Variants in SEC23A observed in about 807,000 individuals in gnomAD.
SEC23A encodes SEC23 homolog A, COPII component.
SEC23A carries 56 observed loss-of-function variants against 103.7 expected under a neutral mutation model. The observed-to-expected ratio is 0.54, with a 90% CI of 0.44 to 0.67. The LOEUF (loss-of-function observed/expected upper bound fraction) is 0.67. Among genes scored for constraint, SEC23A ranks in the 30% least tolerant of loss-of-function variants. The pLI, the probability that SEC23A is intolerant of heterozygous loss-of-function variation, is 0.00. For synonymous variants in SEC23A, 281 were observed against 293.0 expected (o/e 0.96, Z 0.42); for missense variants, 784 against 936.4 (o/e 0.84, Z 2.12).
intron 16 of SEC23A, 57 bp downstream of exon 16, chr14:39,045,106 T>C (rs1019918158): frequency 1.3e-6 from 2 of 1,510,998 alleles, no homozygotes; most frequent in Non-Finnish European, 1.8e-6. Flanking sequence ...ATTTTCACTT[T>C]TTTAATGCCA....
At chr14:39,042,616 C>T (rs961706449) in intron 17 of SEC23A, among the ~76,000 whole-genome samples, 170 bp downstream of exon 17, 2 of 152,104 alleles carry the variant, frequency 1.3e-5, no homozygotes, top group Non-Finnish European at 2.9e-5. Context: ...GGGTCAACTG[C>T]AATTGAAGCC....
chr14:39,070,361 AAC>A (rs1419627726), intron 9 of SEC23A, among the ~76,000 whole-genome samples: 1 of 152,230 alleles, frequency 6.6e-6, no homozygotes, highest in African/African-American at 2.4e-5. Flanking sequence ...AAGAGGAAAG[AAC>A]ACATCCCAGG....
chr14:39,094,894 G>A, intron 2 of SEC23A: 1 of 649,706 alleles, frequency 1.5e-6, no homozygotes, highest in Non-Finnish European at 2.7e-6. Context: ...GATCATACAA[G>A]GCTTTATAGA....
rs1886493094 is a variant in SEC23A at position 39,061,870 on chromosome 14, T to C, written c.1400A>G (p.His467Arg). The C allele has an allele frequency of 1.9e-6, 3 of 1,608,452 alleles. No homozygotes were observed. The African/African-American group carries it at 4.0e-5, about 21-fold the overall frequency. Residue 467 changes from histidine to arginine, a missense_variant and splice_region_variant, in exon 13 of 20, where the codon CAT (histidine) becomes CGT (arginine). Physicochemically the swap from His to Arg is conservative, Grantham distance 29. Coordinates refer to ENST00000307712, the MANE Select transcript of SEC23A (RefSeq NM_006364.4). ...LAIYFEVVNQ[H>R]NAPIPQGGRG... ...CCCTCCTTGAGGAATTGGAGCATTA[T>C]GCTGTATAAATATAATGGAGTAAAA...
At chr14:39,047,267 G>A (rs1399504826) in intron 15 of SEC23A, 2 of 449,990 alleles carry the variant, frequency 4.4e-6, no homozygotes, top group African/African-American at 2.1e-5. Flanking sequence ...GGAGAGAAGA[G>A]AAAGTGTGCA....
rs535998458 is a variant in SEC23A at position 39,050,165 on chromosome 14, C to T, written c.1660-1436G>A. On this transcript the variant is annotated intron_variant, in intron 14 of 19. Transcript: ENST00000307712. The stretch of plus-strand genomic sequence containing the variant: ...TACAACCCAACCAAAACACTAATAC[C>T]GGTGGAAAACAGACTGAAGCATAAA... 7.2e-5 allele frequency among the ~76,000 whole-genome samples: 11 copies of T among 152,162 alleles called. No individual in the cohort carries two copies. In the East Asian group the frequency reaches 1.9e-3, roughly 27 times the overall value.
chr14:39,094,432 ATATATATATATTTTTTT>A lies in SEC23A; in HGVS notation c.222-1205_222-1189del, dbSNP rs1170331035. Among the ~76,000 whole-genome samples, 366 of 36,840 alleles carry A rather than the reference ATATATATATATTTTTTT, an allele frequency of 9.9e-3. 87 individuals are homozygous for A. The highest frequency in any genetic ancestry group is 0.079 in the African/African-American group (336 of 4,262). The allele number at this position is 36,840 out of a possible 152,430, so 24.2% of individuals were successfully genotyped here. On this transcript the variant is annotated intron_variant, in intron 2 of 19. Transcript: ENST00000307712. ...TATATATATATATATATATATATAT[ATATATATATATTTTTTT>A]TTTTTTTTTTTCCCCTCCTGTAGAA... is the stretch of plus-strand genomic sequence containing the variant.
Position 39,064,982 on chromosome 14 carries a change from T to C in SEC23A, c.1239A>G (p.Glu413=). 6.2e-7 allele frequency: 1 copy of C among 1,611,692 alleles called. No individual in the cohort carries two copies. Among genetic ancestry groups the C allele is most frequent in the Non-Finnish European group, 8.5e-7 (1 of 1,177,798 alleles). ...GGTLEIKTSR[E]IKISGAIGPC... ...GTCCAATAGCTCCTGAAATCTTTATTTCCCTTGAGGTCTGCAAAATAAGAA... is the reference window on the plus strand; with the variant it reads ...GTCCAATAGCTCCTGAAATCTTTATCTCCCTTGAGGTCTGCAAAATAAGAA... Residue 413 remains glutamate, a synonymous_variant, in exon 11 of 20, where the codon GAA becomes GAG. Transcript: ENST00000307712.
chr14:39,042,795 A>T lies in SEC23A; in HGVS notation c.1977T>A (p.Tyr659Ter), dbSNP rs1475062216. 1 of 1,604,572 alleles carries T rather than the reference A, an allele frequency of 6.2e-7. No homozygotes were observed. Among genetic ancestry groups the T allele is most frequent in the Admixed American group, 1.7e-5 (1 of 59,994 alleles). Residue 659 changes from tyrosine (Y) to a stop codon, truncating the protein, a stop_gained, in exon 17 of 20, where the codon TAT becomes TAA. Coordinates refer to ENST00000307712, the MANE Select transcript of SEC23A (RefSeq NM_006364.4). LOFTEE classifies it high-confidence loss of function. The stretch of plus-strand genomic sequence containing the variant: ...GCTATTGAAATCTTACCTCACCATG[A>T]TAAATCAAAATCTGGAAGAATGTGT... ...LMDTFFQILI[Y>*]HGETIAQWRK... is the part of the protein sequence containing the mutation.
chr14:39,038,720 G>A (rs1885538135), intron 19 of SEC23A, among the ~76,000 whole-genome samples: 1 of 152,100 alleles, frequency 6.6e-6, no homozygotes, highest in African/African-American at 2.4e-5. Flanking sequence ...ATGATCCCTG[G>A]CCTCTCTTGG....
Position 39,045,456 on chromosome 14 carries a change from T to A in SEC23A, c.1738-132A>T. 1.0e-5 allele frequency: 6 copies of A among 588,058 alleles called. No individual in the cohort carries two copies. The South Asian group carries it at 1.8e-4, about 18-fold the overall frequency. 36.4% of individuals were successfully genotyped at this position (588,058 alleles called of 1,614,324 possible). The stretch of plus-strand genomic sequence containing the variant: ...ATGTTATTATAAGAATGTTCTAATT[T>A]ATATCCCTCAGGAAAGGAATCCTAT... On this transcript the variant is annotated intron_variant, in intron 15 of 19. Transcript: ENST00000307712.
At chr14:39,056,199 T>C (rs1182543810) in intron 13 of SEC23A, among the ~76,000 whole-genome samples, 3 of 152,040 alleles carry the variant, frequency 2.0e-5, no homozygotes, top group Non-Finnish European at 4.4e-5. Flanking sequence ...AGCCAAGCCC[T>C]GTCTTTGTTC....
chr14:39,072,592 C>T (rs1321123316), intron 9 of SEC23A, among the ~76,000 whole-genome samples: 1 of 151,852 alleles, frequency 6.6e-6, no homozygotes, highest in Non-Finnish European at 1.5e-5. Context: ...GCAGGAGGAT[C>T]GAGCCCAGGA....
At chr14:39,051,866 G>A (rs533461405) in intron 14 of SEC23A, among the ~76,000 whole-genome samples, 4 of 152,064 alleles carry the variant, frequency 2.6e-5, no homozygotes, top group Admixed American at 6.6e-5. Context: ...TACTTGGGAG[G>A]CTGAGACAGG....
At chr14:39,081,659 A>C (rs1363018807) in intron 7 of SEC23A, among the ~76,000 whole-genome samples, 2 of 152,230 alleles carry the variant, frequency 1.3e-5, no homozygotes, top group Non-Finnish European at 2.9e-5. Flanking sequence ...CAGGTTTCTC[A>C]TAGAGAATGA....
intron 9 of SEC23A, among the ~76,000 whole-genome samples, chr14:39,070,063 G>A (rs1310433622): frequency 6.6e-6 from 1 of 152,144 alleles, no homozygotes; most frequent in Non-Finnish European, 1.5e-5. Flanking sequence ...TTAAATTTTA[G>A]TTCCTCAGTC....
intron 7 of SEC23A, among the ~76,000 whole-genome samples, chr14:39,080,956 C>CA (rs1016627912): frequency 7.9e-5 from 12 of 152,048 alleles, no homozygotes; most frequent in Admixed American, 3.3e-4. Flanking sequence ...TCAGCCTTCT[C>CA]AAAAAACATC....
chr14:39,041,113 TAA>T (rs960030520), intron 17 of SEC23A: 1 of 433,212 alleles, frequency 2.3e-6, no homozygotes, highest in Non-Finnish European at 3.9e-6. Context: ...AATACTTACA[TAA>T]GTCAGAAAAT....
intron 14 of SEC23A, among the ~76,000 whole-genome samples, chr14:39,049,104 GC>G: frequency 6.6e-6 from 1 of 151,842 alleles, no homozygotes; most frequent in African/African-American, 2.4e-5. Context: ...ACTTTGGGAG[GC>G]CAAGGTGGGA....
Sources: allele counts gnomAD v4.1 joint callset (sites outside exome capture counted in the v4.1 genomes callset), GRCh38; gene constraint gnomAD v4.1.1; transcripts MANE v1.5; gene names NCBI Gene and HGNC (gene_info 2026-07-23, HGNC 2026-07-21).